Variants in KIAA1549L observed in about 807,000 individuals in gnomAD.
KIAA1549L encodes the protein KIAA1549 like.
KIAA1549L carries 88 observed loss-of-function variants against 160.7 expected under a neutral mutation model. The observed-to-expected ratio is 0.55, with a 90% confidence interval of 0.46 to 0.65. The LOEUF (loss-of-function observed/expected upper bound fraction) is 0.65. KIAA1549L is among the 30% of genes least tolerant of loss of function. The pLI is 0.00. For synonymous variants in KIAA1549L, 950 were observed against 976.7 expected, an observed-to-expected ratio of 0.97 and a Z score of 0.51; for missense variants, 2,258 against 2,437.5, an observed-to-expected ratio of 0.93 and a Z score of 1.55.
intron 17 of KIAA1549L, 69 bp downstream of exon 17, chr11:33,646,105 CAG>C: frequency 8.3e-7 from 1 of 1,207,274 alleles, no homozygotes; most frequent in East Asian, 2.6e-5. Context: ...ACAGGAGACT[CAG>C]AGCAGGGGCT....
chr11:33,491,479 A>T (rs1358831779), intron 1 of KIAA1549L, among the ~76,000 whole-genome samples: 2 of 152,190 alleles, frequency 1.3e-5, no homozygotes, highest in African/African-American at 4.8e-5. Context: ...CTATGGGAAG[A>T]AGGACCTTCC....
At chr11:33,396,929 G>A (rs1850387171) in intron 1 of KIAA1549L, among the ~76,000 whole-genome samples, 1 of 147,954 alleles carries the variant, frequency 6.8e-6, no homozygotes, top group Non-Finnish European at 1.5e-5. Flanking sequence ...CAGCCTTGGT[G>A]ACAAAGTGAG....
At position 33,580,465 on chromosome 11, in the gene KIAA1549L, T is replaced by C. The variant is rs190657609; in HGVS notation, c.4403-2873T>C. On this transcript the variant is annotated intron_variant, in intron 10 of 20. Transcript: ENST00000658780. ...GGTGGGTGCGTGTAATCCCAGCTAC[T>C]TGGGAGGCTGATGCACAAGAATGGC... 7.5e-4 allele frequency among the ~76,000 whole-genome samples: 113 copies of C among 151,206 alleles called. 1 individual carries two copies. Among genetic ancestry groups the C allele is most frequent in the Non-Finnish European group, 1.4e-3 (97 of 67,818 alleles).
chr11:33,645,477 C>A (rs1037353962), intron 16 of KIAA1549L, among the ~76,000 whole-genome samples: 2 of 152,170 alleles, frequency 1.3e-5, no homozygotes, highest in Non-Finnish European at 2.9e-5. Context: ...AACTGAAGTG[C>A]ACACCGATAG....
chr11:33,451,657 A>G (rs950886450), intron 1 of KIAA1549L, among the ~76,000 whole-genome samples: 3 of 152,242 alleles, frequency 2.0e-5, no homozygotes, highest in African/African-American at 7.2e-5. Flanking sequence ...CTCACTTGTG[A>G]CAACTCCCTC....
At chr11:33,653,601 G>A (rs991523757) in intron 17 of KIAA1549L, among the ~76,000 whole-genome samples, 2 of 152,056 alleles carry the variant, frequency 1.3e-5, no homozygotes, top group African/African-American at 4.8e-5. Flanking sequence ...GATCCTACTT[G>A]GGATTATTAA....
At chr11:33,440,160 C>T (rs1289369838) in intron 1 of KIAA1549L, among the ~76,000 whole-genome samples, 2 of 86,274 alleles carry the variant, frequency 2.3e-5, no homozygotes, top group Non-Finnish European at 4.9e-5. Flanking sequence ...GACGGAGTCT[C>T]GCTCTGTCGC....
chr11:33,405,391 A>G (rs765512669), intron 1 of KIAA1549L, among the ~76,000 whole-genome samples: 5 of 152,216 alleles, frequency 3.3e-5, no homozygotes, highest in Admixed American at 1.3e-4. Flanking sequence ...ATTTTGAGCT[A>G]CAAAATTATT....
At chr11:33,579,257 C>T (rs927706266) in intron 10 of KIAA1549L, among the ~76,000 whole-genome samples, 1 of 152,094 alleles carries the variant, frequency 6.6e-6, no homozygotes, top group Non-Finnish European at 1.5e-5. Context: ...TCCTGGGGCA[C>T]CTGTTAAGCA....
Position 33,499,610 on chromosome 11 carries a change from G to A in KIAA1549L, c.239-42192G>A, listed in dbSNP as rs140898187. On this transcript the variant is annotated intron_variant, in intron 1 of 20. Transcript: ENST00000658780. ...CCAGAGTGAACACCCCCATCTCTCC[G>A]TCTGGGTTTTGTGTAGTTGGTTTTT... Among the ~76,000 whole-genome samples the A allele has an allele frequency of 1.0e-3, 158 of 152,276 alleles. No homozygotes were observed. In the Middle Eastern group the frequency reaches 0.014, roughly 13 times the overall value.
intron 18 of KIAA1549L, among the ~76,000 whole-genome samples, chr11:33,656,784 A>C (rs1268479099): frequency 6.6e-6 from 1 of 152,098 alleles, no homozygotes; most frequent in Non-Finnish European, 1.5e-5. Context: ...GGCTTTGTGA[A>C]TGGGGAAGAA....
chr11:33,445,537 C>T (rs1482630467), intron 1 of KIAA1549L, among the ~76,000 whole-genome samples: 5 of 152,180 alleles, frequency 3.3e-5, no homozygotes, highest in East Asian at 1.9e-4. Flanking sequence ...TTGTGTCCCA[C>T]GAGGTGTATA....
At chr11:33,548,597 C>T (rs1854344769) in intron 4 of KIAA1549L, among the ~76,000 whole-genome samples, 2 of 152,132 alleles carry the variant, frequency 1.3e-5, no homozygotes, top group South Asian at 4.1e-4. Flanking sequence ...ACTTGTAAAT[C>T]GAGTCCGACT....
At chr11:33,657,683 G>T (rs1268254954) in intron 18 of KIAA1549L, among the ~76,000 whole-genome samples, 1 of 152,162 alleles carries the variant, frequency 6.6e-6, no homozygotes, top group Non-Finnish European at 1.5e-5. Flanking sequence ...TATAATCCCG[G>T]CTACTTGGGA....
intron 1 of KIAA1549L, among the ~76,000 whole-genome samples, chr11:33,419,505 A>G (rs1222599217): frequency 6.6e-6 from 1 of 152,126 alleles, no homozygotes; most frequent in Non-Finnish European, 1.5e-5. Flanking sequence ...CCCGTCCTTC[A>G]TCAGAATAGT....
intron 1 of KIAA1549L, among the ~76,000 whole-genome samples, chr11:33,480,987 G>A (rs1047628988): frequency 6.6e-6 from 1 of 152,186 alleles, no homozygotes; most frequent in African/African-American, 2.4e-5. Context: ...ATAGAACTGT[G>A]TCAACATTGA....
intron 10 of KIAA1549L, among the ~76,000 whole-genome samples, chr11:33,580,886 T>C (rs1855619090): frequency 1.3e-5 from 2 of 152,110 alleles, no homozygotes; most frequent in Non-Finnish European, 2.9e-5. Context: ...GTTGAGAAGA[T>C]AGTGGTTGCA....
At chr11:33,397,734 A>ACG (rs1446471775) in intron 1 of KIAA1549L, among the ~76,000 whole-genome samples, 1 of 150,780 alleles carries the variant, frequency 6.6e-6, no homozygotes, top group Non-Finnish European at 1.5e-5. Context: ...ACACACACAC[A>ACG]CACACACACA....
chr11:33,497,022 A>G (rs999917736), intron 1 of KIAA1549L, among the ~76,000 whole-genome samples: 2 of 152,056 alleles, frequency 1.3e-5, no homozygotes, highest in Non-Finnish European at 2.9e-5. Context: ...AAATCTTCCC[A>G]TAGCTACTAC....
Sources: allele counts gnomAD v4.1 joint callset (sites outside exome capture counted in the v4.1 genomes callset), GRCh38; gene constraint gnomAD v4.1.1; transcripts MANE v1.5; gene names NCBI Gene and HGNC (gene_info 2026-07-23, HGNC 2026-07-21).